Variants in SCN1A observed in about 807,000 individuals in gnomAD.
SCN1A encodes the protein sodium channel protein type 1 subunit alpha.
In SCN1A, 13 loss-of-function variants were observed where a neutral mutation model predicts 193.7. The ratio of observed to expected loss-of-function variants is 0.07; its 90% CI spans 0.04 to 0.11. The LOEUF is 0.11. Ranked by LOEUF, SCN1A falls within the 10% of genes least tolerant of loss-of-function variation. The pLI, the probability that SCN1A is intolerant of heterozygous loss-of-function variation, is 1.00. For synonymous variants in SCN1A, 781 were observed against 843.6 expected (o/e 0.93, Z 1.29); for missense variants, 1,432 against 2,451.1 (o/e 0.58, Z 8.78).
chr2:166,140,557 G>A lies in SCN1A; in HGVS notation c.-50+8490C>T, dbSNP rs76633505. ...TGAAAGAATATAACTATGTTTGGAC[G>A]TACTCTCACCAAGTTAACAAATACA... On this transcript the variant is annotated intron_variant, in intron 1 of 26. Transcript: ENST00000635750. Among the ~76,000 whole-genome samples, 30 of 152,222 alleles carry A rather than the reference G, an allele frequency of 2.0e-4. No individual in the cohort carries two copies. The East Asian group carries it at 5.4e-3, about 27-fold the overall frequency.
At chr2:166,004,096 C>A (rs548091800) in intron 23 of SCN1A, among the ~76,000 whole-genome samples, 2 of 151,660 alleles carry the variant, frequency 1.3e-5, no homozygotes, top group Admixed American at 6.6e-5. Flanking sequence ...AACTACCAAG[C>A]TGACACGTGA....
At chr2:166,035,232 A>G (rs2105787954) in intron 19 of SCN1A, among the ~76,000 whole-genome samples, 1 of 152,298 alleles carries the variant, frequency 6.6e-6, no homozygotes, top group Non-Finnish European at 1.5e-5. Context: ...TAATTTTCTT[A>G]TCTGAAAAGT....
At chr2:166,101,323 C>A (rs1688042923) in intron 2 of SCN1A, among the ~76,000 whole-genome samples, 1 of 129,318 alleles carries the variant, frequency 7.7e-6, no homozygotes, top group Non-Finnish European at 1.5e-5. Flanking sequence ...ATCACATGGA[C>A]ACAGGAAGGG....
chr2:166,044,089 T>C (rs967105826), intron 13 of SCN1A, 40 bp from the exon 14 acceptor site: 1 of 1,608,852 alleles, frequency 6.2e-7, no homozygotes, highest in Non-Finnish European at 8.5e-7. Flanking sequence ...GTCATATTAA[T>C]ATGGACATTT....
intron 1 of SCN1A, among the ~76,000 whole-genome samples, chr2:166,136,785 C>T (rs575438939): frequency 6.6e-6 from 1 of 152,256 alleles, no homozygotes; most frequent in East Asian, 1.9e-4. Context: ...GAAAGTGGCA[C>T]CAGATTCCGG....
intron 2 of SCN1A, among the ~76,000 whole-genome samples, chr2:166,124,669 G>A (rs549158185): frequency 1.3e-5 from 2 of 152,282 alleles, no homozygotes; most frequent in South Asian, 2.1e-4. Flanking sequence ...ATGTACGACT[G>A]CACCCAACTT....
intron 4 of SCN1A, among the ~76,000 whole-genome samples, chr2:166,070,606 GTTTCT>G (rs564141798): frequency 2.0e-4 from 30 of 152,024 alleles, no homozygotes; most frequent in Non-Finnish European, 4.0e-4. Flanking sequence ...GTTTTAAGAT[GTTTCT>G]TTTGAGTATT....
At position 165,990,929 on chromosome 2, in the gene SCN1A, AAAC is replaced by A; in HGVS notation, c.*313_*315del. On this transcript the variant is annotated 3_prime_UTR_variant, in exon 29 of 29. Transcript: ENST00000674923. ...TTACTACACTAAAGTGTTTCATGTT[AAAC>A]AACCCCAAAATCACAGGTTTGCACC... The A allele has an allele frequency of 6.5e-6, 2 of 306,326 alleles. No homozygotes were observed. Among genetic ancestry groups the A allele is most frequent in the South Asian group, 1.1e-4 (2 of 18,714 alleles). 19.0% of individuals were successfully genotyped at this position (306,326 alleles called of 1,614,324 possible). A position where few individuals can be genotyped will look rare whatever the true frequency, so the allele number is the denominator to read the frequency against.
In SCN1A at chr2:166,073,375, A is replaced by G. The variant is rs1362796016; in HGVS notation, c.247T>C (p.Tyr83His). The G allele has an allele frequency of 6.2e-7, 1 of 1,614,030 alleles. No individual in the cohort carries two copies. The part of the protein sequence containing the change: ...VSEPLEDLDP[Y>H]YINKKTFIVL... Reference sequence around the variant, plus strand: ...ACACTCACTTTCTTATTGATATAGTAGGGGTCCAGGTCCTCCAGGGGCTCT... The same window carrying G: ...ACACTCACTTTCTTATTGATATAGTGGGGGTCCAGGTCCTCCAGGGGCTCT... The change falls in exon 4 of 29, where the codon TAC becomes CAC. Residue 83 changes from tyrosine to histidine, a missense_variant. Transcript: ENST00000674923.
chr2:166,010,450 A>G (rs1218311058), intron 22 of SCN1A, among the ~76,000 whole-genome samples: 1 of 151,238 alleles, frequency 6.6e-6, no homozygotes, highest in Non-Finnish European at 1.5e-5. Flanking sequence ...ATACTAATTT[A>G]TGGCTTCTGC....
chr2:166,041,194 T>G, intron 16 of SCN1A, 37 bp downstream of exon 16: 1 of 1,436,470 alleles, frequency 7.0e-7, no homozygotes, highest in Non-Finnish European at 9.8e-7. Flanking sequence ...AGCAGAAAAT[T>G]TGAAGACTAA....
At chr2:166,112,927 T>C (rs879408146) in intron 2 of SCN1A, among the ~76,000 whole-genome samples, 11 of 152,212 alleles carry the variant, frequency 7.2e-5, no homozygotes, top group Non-Finnish European at 1.6e-4. Context: ...TCTCCTACCC[T>C]ATACTTTCTG....
Position 166,052,868 on chromosome 2 carries a change from C to T in SCN1A, c.678G>A (p.Thr226=), listed in dbSNP as rs571355844. Residue 226 remains threonine, a synonymous_variant, in exon 8 of 29, where the codon ACG becomes ACA. Coordinates refer to ENST00000674923, the MANE Select transcript of SCN1A (RefSeq NM_001165963.4). The part of the protein sequence containing the change: ...RTFRVLRALK[T]ISVIPGLKTI... ...TGCTCTCACCTGGAATGACTGAAAT[C>T]GTCTTCAATGCTCGGAGAACTCTGA... is the stretch of plus-strand genomic sequence containing the variant. 24 of 1,611,966 alleles carry T rather than the reference C, an allele frequency of 1.5e-5. No homozygotes were observed. The highest frequency in any genetic ancestry group is 1.8e-5 in the Non-Finnish European group (21 of 1,178,870).
At chr2:166,017,865 A>T (rs550844468) in intron 19 of SCN1A, among the ~76,000 whole-genome samples, 5 of 152,046 alleles carry the variant, frequency 3.3e-5, no homozygotes, top group Non-Finnish European at 7.4e-5. Flanking sequence ...TGATCCCCAC[A>T]TAGTTTTCCA....
At chr2:166,104,043 T>G (rs985030349) in intron 2 of SCN1A, among the ~76,000 whole-genome samples, 4 of 152,210 alleles carry the variant, frequency 2.6e-5, no homozygotes, top group African/African-American at 9.6e-5. Flanking sequence ...TATTAATATC[T>G]TTTGAATAAA....
At chr2:166,062,897 C>A (rs969864325) in intron 4 of SCN1A, among the ~76,000 whole-genome samples, 275 of 152,182 alleles carry the variant, frequency 1.8e-3, no homozygotes, top group African/African-American at 5.9e-3. Flanking sequence ...ATCAGGATAA[C>A]TTTTATTGCA....
chr2:165,997,149 C>T (rs964239043), intron 26 of SCN1A, among the ~76,000 whole-genome samples: 6 of 151,118 alleles, frequency 4.0e-5, no homozygotes, highest in African/African-American at 7.3e-5. Context: ...GCCTTATTTT[C>T]TGTCCCTCTC....
intron 2 of SCN1A, among the ~76,000 whole-genome samples, chr2:166,117,280 CATT>C (rs1392734579): frequency 6.6e-6 from 1 of 152,180 alleles, no homozygotes; most frequent in Non-Finnish European, 1.5e-5. Context: ...AGACAACCAG[CATT>C]ATTGTTGATA....
intron 2 of SCN1A, among the ~76,000 whole-genome samples, chr2:166,108,311 A>G (rs956371357): frequency 6.6e-6 from 1 of 152,072 alleles, no homozygotes; most frequent in Admixed American, 6.5e-5. Flanking sequence ...GATAATCACA[A>G]GTGTTGGGAA....
Sources: gnomAD v4.1 joint callset for allele counts (sites outside exome capture counted in the v4.1 genomes callset) on GRCh38, gnomAD v4.1.1 for gene constraint, MANE v1.5 for transcripts, NCBI Gene and HGNC (gene_info 2026-07-23, HGNC 2026-07-21) for gene names.